Variants in ETNPPL observed in about 807,000 individuals in gnomAD.
ETNPPL encodes the protein ethanolamine-phosphate phospho-lyase.
A neutral mutation model predicts 55.5 loss-of-function variants in ETNPPL; 30 were observed. The observed-to-expected ratio is 0.54, with a 90% CI of 0.40 to 0.73. ETNPPL has a LOEUF of 0.73. ETNPPL is among the 30% of genes least tolerant of loss of function. The pLI is 0.00. For missense variants in ETNPPL, 528 were observed against 607.9 expected (o/e 0.87, Z 1.38); for synonymous variants, 202 against 207.2 (o/e 0.98, Z 0.21).
intron 7 of ETNPPL, among the ~76,000 whole-genome samples, chr4:108,749,799 C>T (rs1047934915): frequency 1.3e-5 from 2 of 152,120 alleles, no homozygotes; most frequent in Non-Finnish European, 2.9e-5. Context: ...CCTCAAACTC[C>T]TGGGCTCAAG....
intron 3 of ETNPPL, among the ~76,000 whole-genome samples, chr4:108,759,222 G>A (rs1029519322): frequency 6.6e-6 from 1 of 151,718 alleles, no homozygotes; most frequent in South Asian, 2.1e-4. Flanking sequence ...CCAGCACTTT[G>A]GGAGGCTGAG....
chr4:108,754,956 T>G (rs1729127103), intron 4 of ETNPPL, among the ~76,000 whole-genome samples: 1 of 152,234 alleles, frequency 6.6e-6, no homozygotes, highest in Non-Finnish European at 1.5e-5. Context: ...ATTGACAATT[T>G]CTTTTTAGTT....
At chr4:108,762,784 CCTT>C in intron 1 of ETNPPL, 56 bp downstream of exon 1, 1 of 1,577,704 alleles carries the variant, frequency 6.3e-7, no homozygotes, top group Non-Finnish European at 8.7e-7. Flanking sequence ...TCTCTCTCCA[CCTT>C]CTGCACTCGT....
chr4:108,742,471 A>G lies in ETNPPL; in HGVS notation c.*13T>C. 1 of 1,613,870 alleles carries G rather than the reference A, an allele frequency of 6.2e-7. No homozygotes were observed. The highest frequency in any genetic ancestry group is 8.5e-7 in the Non-Finnish European group (1 of 1,179,780). On this transcript the variant is annotated 3_prime_UTR_variant, in exon 13 of 13. Transcript: ENST00000296486. ...ACTCTGGACATCGCATCTTGCTTTA[A>G]AATGCAAATCAGTCATGTCTTGAGC...
At position 108,749,180 on chromosome 4, in the gene ETNPPL, A is replaced by T. The variant is rs528174415; in HGVS notation, c.927+58T>A. The T allele has an allele frequency of 9.4e-6, 13 of 1,386,196 alleles. No individual in the cohort carries two copies. The Admixed American group carries it at 1.6e-4, about 17-fold the overall frequency. The allele number at this position is 1,386,196 out of a possible 1,614,324, so 85.9% of individuals were successfully genotyped here. On this transcript the variant is annotated intron_variant, in intron 8 of 12. Coordinates refer to ENST00000296486, the MANE Select transcript of ETNPPL (RefSeq NM_031279.4). ...TTATTCTTTACTACATTGGCAAAAA[A>T]TATAAGAACATGCATTATTTTTCCT... is the stretch of plus-strand genomic sequence containing the variant.
In ETNPPL at chr4:108,750,614, G is replaced by GATATATATTTTATATATATATATATATAT. The variant is rs1164661418; in HGVS notation, c.701+321_701+322insATATATATATATATATATAAAATATATAT. On this transcript the variant is annotated intron_variant, in intron 7 of 12. Coordinates refer to ENST00000296486, the MANE Select transcript of ETNPPL (RefSeq NM_031279.4). ...GATATATCATATATGATATATATAG[G>GATATATATTTTATATATATATATATATAT]ATATATATATATCCTATTAGTTTGG... Among the ~76,000 whole-genome samples the GATATATATTTTATATATATATATATATAT allele has an allele frequency of 3.2e-3, 395 of 121,624 alleles. 7 individuals carry two copies. Among genetic ancestry groups the GATATATATTTTATATATATATATATATAT allele is most frequent in the African/African-American group, 0.012 (353 of 30,686 alleles). The allele number at this position is 121,624 out of a possible 152,430, so 79.8% of individuals were successfully genotyped here.
chr4:108,752,953 C>T lies in ETNPPL; in HGVS notation c.560G>A (p.Ser187Asn), dbSNP rs777936791. ...TTTCTTCACTTCATCTGCATAAGCA[C>T]TGGCTGAGTCTGCATGGTCTTCTCT... ...KYREDHADSASAYADEVKKII... is the reference protein window; with the variant it reads ...KYREDHADSANAYADEVKKII... Residue 187 changes from serine (S) to asparagine (N), a missense_variant, in exon 6 of 13, where the codon AGT becomes AAT. Ser to Asn is a conservative substitution (Grantham distance 46). Transcript: ENST00000296486. 1.2e-6 allele frequency: 2 copies of T among 1,613,178 alleles called. No individual in the cohort carries two copies. Among genetic ancestry groups the T allele is most frequent in the South Asian group, 2.2e-5 (2 of 90,992 alleles).
At position 108,755,055 on chromosome 4, in the gene ETNPPL, C is replaced by T. The variant is rs115103501; in HGVS notation, c.411-345G>A. Among the ~76,000 whole-genome samples, 1,046 of 152,188 alleles carry T rather than the reference C, an allele frequency of 6.9e-3. 10 individuals are homozygous for T. The highest frequency in any genetic ancestry group is 0.024 in the African/African-American group (998 of 41,520). On this transcript the variant is annotated intron_variant, in intron 4 of 12. Transcript: ENST00000296486. Reference sequence around the variant, plus strand: ...TTCTATATCCTCATGCAATACTTTACGTGTATGTATTCTTTAAATGTGTTA... The same window carrying T: ...TTCTATATCCTCATGCAATACTTTATGTGTATGTATTCTTTAAATGTGTTA...
At chr4:108,758,774 T>C (rs988172987) in intron 3 of ETNPPL, among the ~76,000 whole-genome samples, 9 of 152,190 alleles carry the variant, frequency 5.9e-5, no homozygotes, top group African/African-American at 1.7e-4. Context: ...TCCTTCTGGC[T>C]GGGCACGGTT....
chr4:108,758,393 A>T (rs1729330531), intron 3 of ETNPPL, among the ~76,000 whole-genome samples: 1 of 152,194 alleles, frequency 6.6e-6, no homozygotes, highest in South Asian at 2.1e-4. Flanking sequence ...TTGCAAAAAC[A>T]TACTCCTAAA....
intron 4 of ETNPPL, among the ~76,000 whole-genome samples, chr4:108,755,494 G>A (rs919177660): frequency 6.6e-6 from 1 of 152,052 alleles, no homozygotes; most frequent in Admixed American, 6.6e-5. Flanking sequence ...AGTGAGTGGG[G>A]TGGAGGAGTA....
chr4:108,762,288 A>C (rs1729541895), intron 1 of ETNPPL: 1 of 450,928 alleles, frequency 2.2e-6, no homozygotes, highest in Admixed American at 2.4e-5. Context: ...GATCTAAATA[A>C]AGTCTCTGCT....
intron 9 of ETNPPL, among the ~76,000 whole-genome samples, chr4:108,747,460 T>C (rs1560651050): frequency 6.6e-6 from 1 of 151,014 alleles, no homozygotes; most frequent in African/African-American, 2.4e-5. Context: ...TTATTGTTGT[T>C]GGTTTATTTA....
intron 11 of ETNPPL, among the ~76,000 whole-genome samples, chr4:108,744,098 T>C (rs913432445): frequency 1.3e-5 from 2 of 152,010 alleles, no homozygotes; most frequent in African/African-American, 4.8e-5. Context: ...CCGTCTTTAC[T>C]AAAAATACAA....
At position 108,742,528 on chromosome 4, in the gene ETNPPL, A is replaced by T. The variant is rs758856767; in HGVS notation, c.1456T>A (p.Cys486Ser). The change falls in exon 13 of 13, where the codon TGC becomes AGC. Residue 486 changes from cysteine (C) to serine (S), a missense_variant. Transcript: ENST00000296486. ...ENPSRKRNGM[C>S]TDTHSLLSKR... is the part of the protein sequence containing the mutation. ...CTGAGCAGTGAATGTGTATCCGTGC[A>T]CATTCCATTTCTCTTTCTGCTGGGA... 4 of 1,614,194 alleles carry T rather than the reference A, an allele frequency of 2.5e-6. No homozygotes were observed. In the East Asian group the frequency reaches 8.9e-5, roughly 36 times the overall value.
intron 11 of ETNPPL, among the ~76,000 whole-genome samples, chr4:108,745,314 AGGCCGGGTGCAGT>A (rs1446282839): frequency 6.6e-6 from 1 of 152,176 alleles, no homozygotes; most frequent in African/African-American, 2.4e-5. Flanking sequence ...ATAAAAATTA[AGGCCGGGTGCAGT>A]GGCTCATGCA....
rs1422557676 is a variant in ETNPPL at position 108,746,599 on chromosome 4, C to T, written c.1173-70G>A. On this transcript the variant is annotated intron_variant, in intron 10 of 12. Coordinates refer to ENST00000296486, the MANE Select transcript of ETNPPL (RefSeq NM_031279.4). ...TACGATTACTGAAGAATTATGTGAA[C>T]ATAGAGCAGTTTAAGTATTCTGCAT... is the stretch of plus-strand genomic sequence containing the variant. The T allele has an allele frequency of 6.5e-6, 10 of 1,548,554 alleles. No homozygotes were observed. In the Admixed American group the frequency reaches 1.7e-4, roughly 27 times the overall value.
intron 1 of ETNPPL, among the ~76,000 whole-genome samples, chr4:108,761,378 G>A (rs1007569229): frequency 6.6e-6 from 1 of 152,050 alleles, no homozygotes; most frequent in African/African-American, 2.4e-5. Flanking sequence ...ATAAGGTTGT[G>A]TTATATATTG....
intron 12 of ETNPPL, among the ~76,000 whole-genome samples, chr4:108,743,109 A>G (rs1165484490): frequency 1.3e-5 from 2 of 152,214 alleles, no homozygotes; most frequent in African/African-American, 4.8e-5. Context: ...TGCTGACTCC[A>G]TTGGATGCGC....
Sources: gnomAD v4.1 joint callset for allele counts (sites outside exome capture counted in the v4.1 genomes callset) on GRCh38, gnomAD v4.1.1 for gene constraint, MANE v1.5 for transcripts, NCBI Gene and HGNC (gene_info 2026-07-23, HGNC 2026-07-21) for gene names.